The following ZFP14 variants were observed in gnomAD, a reference collection of about 807,000 sequenced individuals.
ZFP14 encodes the protein ZFP14 zinc finger protein.
A neutral mutation model predicts 54.5 loss-of-function variants in ZFP14; 22 were observed. The ratio of observed to expected loss-of-function variants is 0.40; its 90% confidence interval spans 0.29 to 0.58. ZFP14 has a LOEUF of 0.58. ZFP14 is among the 20% of genes least tolerant of loss of function. ZFP14 has a pLI of 0.39. For missense variants in ZFP14, 470 were observed against 637.8 expected, an observed-to-expected ratio of 0.74 and a Z score of 2.83; for synonymous variants, 159 against 204.0, an observed-to-expected ratio of 0.78 and a Z score of 1.88.
chr19:36,357,102 G>GTGT (rs1352339162), intron 4 of ZFP14, among the ~76,000 whole-genome samples: 1 of 152,182 alleles, frequency 6.6e-6, no homozygotes, highest in African/African-American at 2.4e-5. Flanking sequence ...GAGTGCAGCG[G>GTGT]TGTGATCTTG....
intron 4 of ZFP14, among the ~76,000 whole-genome samples, chr19:36,359,693 C>T (rs1568470422): frequency 6.6e-6 from 1 of 152,078 alleles, no homozygotes. Flanking sequence ...CTCACTCTGT[C>T]ACTCAGGCTG....
In ZFP14 at chr19:36,358,051, T is replaced by TCTATCTAC. The variant is rs2031646648; in HGVS notation, c.235+2383_235+2384insGTAGATAG. On this transcript the variant is annotated intron_variant, in intron 4 of 4. Coordinates refer to ENST00000270001, the MANE Select transcript of ZFP14 (RefSeq NM_020917.3). ...AGCCACCATGCCCGGCTCTGATCTA[T>TCTATCTAC]CTATCTATCTATCTATCTATCTATC... 2.1e-5 allele frequency among the ~76,000 whole-genome samples: 3 copies of TCTATCTAC among 143,226 alleles called. No homozygotes were observed. In the South Asian group the frequency reaches 6.8e-4, roughly 32 times the overall value. The allele number at this position is 143,226 out of a possible 152,430, so 94.0% of individuals were successfully genotyped here.
At chr19:36,367,031 G>C (rs1204037050) in intron 2 of ZFP14, among the ~76,000 whole-genome samples, 1 of 151,834 alleles carries the variant, frequency 6.6e-6, no homozygotes, top group Non-Finnish European at 1.5e-5. Flanking sequence ...GCGGGCACCT[G>C]TAATCCCAGC....
chr19:36,346,244 C>A (rs2031411271), intron 4 of ZFP14, among the ~76,000 whole-genome samples: 1 of 152,106 alleles, frequency 6.6e-6, no homozygotes, highest in African/African-American at 2.4e-5. Flanking sequence ...CATGATTATG[C>A]CACTGCCTGG....
intron 4 of ZFP14, among the ~76,000 whole-genome samples, chr19:36,342,464 G>A (rs1409222519): frequency 6.6e-6 from 1 of 152,172 alleles, no homozygotes; most frequent in East Asian, 1.9e-4. Flanking sequence ...TGGGATTACA[G>A]GTGTGAGCCA....
At chr19:36,372,100 GAAGGAAGGAAGGAAGA>G (rs966556357) in intron 1 of ZFP14, among the ~76,000 whole-genome samples, 3 of 151,080 alleles carry the variant, frequency 2.0e-5, no homozygotes, top group Non-Finnish European at 4.4e-5. Flanking sequence ...AGGAAAGGAG[GAAGGAAGGAAGGAAGA>G]AAGGAAGGAA....
At chr19:36,363,189 C>CTTTTTTTT (rs772799449) in intron 2 of ZFP14, among the ~76,000 whole-genome samples, 16 of 97,736 alleles carry the variant, frequency 1.6e-4, no homozygotes, top group East Asian at 5.8e-4. Flanking sequence ...CTTTTCTTTT[C>CTTTTTTTT]TTTTTTTTTT....
rs2031184770 is a variant in ZFP14 at position 36,335,860 on chromosome 19, C to T, written c.*4364G>A. 6.6e-6 allele frequency: 1 copy of T among 151,752 alleles called. No individual in the cohort carries two copies. The highest frequency in any genetic ancestry group is 1.5e-5 in the Non-Finnish European group (1 of 67,962). The allele number at this position is 151,752 out of a possible 1,614,324, so 9.4% of individuals were successfully genotyped here. A position where few individuals can be genotyped will look rare whatever the true frequency, so the allele number is the denominator to read the frequency against. On this transcript the variant is annotated 3_prime_UTR_variant, in exon 5 of 5. Coordinates refer to ENST00000270001, the MANE Select transcript of ZFP14 (RefSeq NM_020917.3). ...AGCAATTCTCCTGCCTCAGGCTCCC[C>T]AGTAGCTTAGATTACAGGTGCCCGC...
chr19:36,356,987 T>C (rs2031624418), intron 4 of ZFP14, among the ~76,000 whole-genome samples: 10 of 152,138 alleles, frequency 6.6e-5, no homozygotes, highest in Admixed American at 6.6e-4. Flanking sequence ...CATCTGCTTA[T>C]TGGTATATTC....
In ZFP14 at chr19:36,340,537, C is replaced by G. The variant is rs754656259; in HGVS notation, c.1289G>C (p.Gly430Ala). ...GERPYECEECGKAFRLLSQLT... is the reference protein window; with the variant it reads ...GERPYECEECAKAFRLLSQLT... Reference sequence around the variant, plus strand: ...TTGTGAGAGCAGTCTAAAGGCCTTTCCACACTCTTCACATTCATAGGGTCT... The same window carrying G: ...TTGTGAGAGCAGTCTAAAGGCCTTTGCACACTCTTCACATTCATAGGGTCT... The change falls in exon 5 of 5, where the codon GGA (glycine) becomes GCA (alanine). Residue 430 changes from glycine (G) to alanine (A), a missense_variant. Gly to Ala is a moderately conservative substitution (Grantham distance 60, BLOSUM62 0). Transcript: ENST00000270001. This position sits in a 1 kb window ranked among gnomAD's most constrained non-coding sequence, Gnocchi z 5.4. The G allele has an allele frequency of 2.5e-6, 4 of 1,614,034 alleles. No homozygotes were observed. The highest frequency in any genetic ancestry group is 4.5e-5 in the East Asian group (2 of 44,880).
Position 36,374,492 on chromosome 19 carries a change from A to T in ZFP14, c.-80+4671T>A, listed in dbSNP as rs943964751. 5.3e-5 allele frequency among the ~76,000 whole-genome samples: 8 copies of T among 150,202 alleles called. No individual in the cohort carries two copies. The East Asian group carries it at 1.6e-3, about 29-fold the overall frequency. On this transcript the variant is annotated intron_variant, in intron 1 of 4. Transcript: ENST00000270001. ...GTGACAGAGGGAGACTCTGTCTCAA[A>T]AAAAAAAAAAAAAAAGAAAAGAAAA... is the stretch of plus-strand genomic sequence containing the variant.
chr19:36,342,223 C>G (rs990253176), intron 4 of ZFP14, among the ~76,000 whole-genome samples: 1 of 140,586 alleles, frequency 7.1e-6, no homozygotes, highest in African/African-American at 2.7e-5. Context: ...CTCTGTCACC[C>G]AGGCTGGAGT....
At chr19:36,377,016 TCAAGCCACTTTC>T (rs1204389064) in intron 1 of ZFP14, among the ~76,000 whole-genome samples, 2 of 152,140 alleles carry the variant, frequency 1.3e-5, no homozygotes, top group African/African-American at 4.8e-5. Flanking sequence ...GTCAAAAACT[TCAAGCCACTTTC>T]CAAATTTCTA....
Position 36,335,666 on chromosome 19 carries a change from T to G in ZFP14, c.*4558A>C, listed in dbSNP as rs921676693. The G allele has an allele frequency of 6.6e-6, 1 of 152,046 alleles. No homozygotes were observed. Among genetic ancestry groups the G allele is most frequent in the Non-Finnish European group, 1.5e-5 (1 of 68,024 alleles). 9.4% of individuals were successfully genotyped at this position (152,046 alleles called of 1,614,324 possible). On this transcript the variant is annotated 3_prime_UTR_variant, in exon 5 of 5. Coordinates refer to ENST00000270001, the MANE Select transcript of ZFP14 (RefSeq NM_020917.3). ...TATTCCTTTTGGGGGAAAAATGCAA[T>G]CCTACATTTTTACTTGTACTGGAAT...
rs2031565289 is a variant in ZFP14, at chr19:36,353,630, G to A, written c.235+6805C>T. Among the ~76,000 whole-genome samples, 4 of 134,998 alleles carry A rather than the reference G, an allele frequency of 3.0e-5. 1 individual carries two copies. Among genetic ancestry groups the A allele is most frequent in the African/African-American group, 8.2e-5 (3 of 36,384 alleles). 88.6% of individuals were successfully genotyped at this position (134,998 alleles called of 152,430 possible). A position where few individuals can be genotyped will look rare whatever the true frequency, so the allele number is the denominator to read the frequency against. On this transcript the variant is annotated intron_variant, in intron 4 of 4. Transcript: ENST00000270001. ...AGGACAATCGCTTGAACCAGGAGGC[G>A]GAGGTTGCAGTGAGCCGAGATTGCG... is the stretch of plus-strand genomic sequence containing the variant.
At chr19:36,364,900 G>A (rs192584956) in intron 2 of ZFP14, among the ~76,000 whole-genome samples, 5 of 150,350 alleles carry the variant, frequency 3.3e-5, no homozygotes, top group Non-Finnish European at 5.9e-5. Context: ...ACATTCTAAC[G>A]ATTAACCAGG....
chr19:36,351,543 C>CTGAG (rs751101961), intron 4 of ZFP14, among the ~76,000 whole-genome samples: 1 of 141,726 alleles, frequency 7.1e-6, no homozygotes, highest in African/African-American at 2.6e-5. Context: ...GCACAAAAAA[C>CTGAG]TGAGGACACA....
At chr19:36,367,763 C>T (rs943904748) in intron 2 of ZFP14, 121 bp downstream of exon 2, 2 of 1,202,044 alleles carry the variant, frequency 1.7e-6, no homozygotes, top group Non-Finnish European at 2.3e-6. Context: ...TGCGTCCAGC[C>T]ATGGAGCAGG....
intron 4 of ZFP14, among the ~76,000 whole-genome samples, chr19:36,352,181 C>T (rs2031538829): frequency 7.4e-6 from 1 of 134,564 alleles, no homozygotes; most frequent in Admixed American, 7.6e-5. Context: ...CAGACTCTGT[C>T]TCAAAAAAAA....
Sources: allele counts gnomAD v4.1 joint callset (sites outside exome capture counted in the v4.1 genomes callset), GRCh38; gene constraint gnomAD v4.1.1; non-coding constraint Gnocchi (gnomAD v3.1); transcripts MANE v1.5; gene names NCBI Gene and HGNC (gene_info 2026-07-23, HGNC 2026-07-21).